SLC25A23: variants seen among roughly 807,000 people sequenced by gnomAD.
The protein encoded by SLC25A23 is solute carrier family 25 member 23, also known as mitochondrial adenyl nucleotide antiporter SLC25A23.
In SLC25A23, 32 loss-of-function variants were observed where a neutral mutation model predicts 53.9. The observed-to-expected ratio is 0.59, with a 90% CI of 0.45 to 0.80. SLC25A23 has a LOEUF of 0.80. SLC25A23 is among the 30% of genes least tolerant of loss of function. The pLI, the probability that SLC25A23 is intolerant of heterozygous loss-of-function variation, is 0.00. For synonymous variants in SLC25A23, 275 were observed against 264.5 expected (o/e 1.04, Z -0.38); for missense variants, 575 against 651.4 (o/e 0.88, Z 1.28).
chr19:6,456,349 G>T, intron 4 of SLC25A23, 71 bp downstream of exon 4: 1 of 1,466,496 alleles, frequency 6.8e-7, no homozygotes, highest in Non-Finnish European at 9.5e-7. Context: ...CAAGCCCTGG[G>T]GAGATCGGAG....
chr19:6,448,308 T>C (rs945737985), intron 8 of SLC25A23, among the ~76,000 whole-genome samples: 1 of 152,162 alleles, frequency 6.6e-6, no homozygotes, highest in African/African-American at 2.4e-5. Context: ...CTGGGTAAAA[T>C]AGGCAAGTAC....
At chr19:6,447,758 C>T (rs1420449988) in intron 8 of SLC25A23, among the ~76,000 whole-genome samples, 4 of 152,202 alleles carry the variant, frequency 2.6e-5, no homozygotes, top group African/African-American at 9.7e-5. Context: ...GCAACCTCCA[C>T]CTCCCGGGTT....
intron 8 of SLC25A23, among the ~76,000 whole-genome samples, chr19:6,450,274 T>C (rs1441260113): frequency 6.6e-6 from 1 of 152,168 alleles, no homozygotes; most frequent in African/African-American, 2.4e-5. Flanking sequence ...TATTTGTTCC[T>C]GCTTCCAGAC....
intron 8 of SLC25A23, among the ~76,000 whole-genome samples, chr19:6,445,904 C>CACAA (rs758671042): frequency 0.012 from 1,705 of 139,730 alleles, 14 homozygotes; most frequent in Non-Finnish European, 0.017. Context: ...CAAACAAACA[C>CACAA]ACAAACAAAC....
At chr19:6,436,551 T>G, downstream of SLC25A23, 1 of 361,590 alleles carries the variant, frequency 2.8e-6, no homozygotes, top group Non-Finnish European at 5.6e-6. Context: ...GACAGTGTCT[T>G]TTTTTTTTTT....
rs60420597 is a variant in SLC25A23, at chr19:6,449,418, A to ATTT, written c.1071+2891_1071+2893dup. On this transcript the variant is annotated intron_variant, in intron 8 of 9. Coordinates refer to ENST00000301454, the MANE Select transcript of SLC25A23 (RefSeq NM_024103.3). ...CAGGTGTGCACCACCACACCTGGCT[A>ATTT]TTTTTTTTTTTTTTGAGACAGAGTC... Among the ~76,000 whole-genome samples, 1,155 of 136,000 alleles carry ATTT rather than the reference A, an allele frequency of 8.5e-3. 9 individuals carry two copies. Among genetic ancestry groups the ATTT allele is most frequent in the Non-Finnish European group, 0.013 (804 of 62,082 alleles). 89.2% of individuals were successfully genotyped at this position (136,000 alleles called of 152,430 possible).
chr19:6,456,283 A>C (rs2092681212), intron 4 of SLC25A23, 137 bp downstream of exon 4: 2 of 955,572 alleles, frequency 2.1e-6, no homozygotes, highest in South Asian at 3.2e-5. Flanking sequence ...ACAGACCCTC[A>C]TCCGTCAGCT....
In SLC25A23 at chr19:6,452,414, C is replaced by A; in HGVS notation, c.969G>T (p.Arg323Ser). The change falls in exon 8 of 10, where the codon AGG becomes AGT. Residue 323 changes from arginine (R) to serine (S), a missense_variant. Physicochemically the swap from Arg to Ser is moderately radical, Grantham distance 110 (BLOSUM62 -1). Transcript: ENST00000301454. ...GQYKGLLDCA[R>S]RILEREGPRA... The stretch of plus-strand genomic sequence containing the variant: ...GGGGCCCCTCCCTCTCCAGGATACG[C>A]CTGGCGCAGTCCAGCAGCCCCTTAT... The A allele has an allele frequency of 6.2e-7, 1 of 1,613,956 alleles. No individual in the cohort carries two copies. The highest frequency in any genetic ancestry group is 8.5e-7 in the Non-Finnish European group (1 of 1,179,980).
intron 4 of SLC25A23, 21 bp downstream of exon 4, chr19:6,456,399 G>T (rs762477126): frequency 6.2e-7 from 1 of 1,610,560 alleles, no homozygotes; most frequent in South Asian, 1.1e-5. Context: ...CTTCAGCTGG[G>T]GAAAGCCACC....
chr19:6,448,380 A>G (rs1568367222), intron 8 of SLC25A23, among the ~76,000 whole-genome samples: 1 of 152,158 alleles, frequency 6.6e-6, no homozygotes, highest in Non-Finnish European at 1.5e-5. Flanking sequence ...GCACTTGCCA[A>G]ATAGATGTTT....
intron 8 of SLC25A23, among the ~76,000 whole-genome samples, chr19:6,449,418 A>ATT (rs60420597): frequency 0.12 from 16,117 of 135,904 alleles, 2,287 homozygotes; most frequent in African/African-American, 0.34. Flanking sequence ...ACACCTGGCT[A>ATT]TTTTTTTTTT....
Position 6,444,221 on chromosome 19 carries a change from G to A in SLC25A23, c.1152C>T (p.Thr384=), listed in dbSNP as rs775806042. ...PGILVLLACG[T]ISSTCGQIAS... ...CTATCTGGCCGCAGGTGCTGGATAT[G>A]GTACCGCAGGCCAGGAGCACGAGGA... Residue 384 remains threonine (T), a synonymous_variant, in exon 9 of 10, where the codon ACC becomes ACT. Transcript: ENST00000301454. The A allele has an allele frequency of 8.7e-6, 14 of 1,603,922 alleles. No homozygotes were observed. In the East Asian group the frequency reaches 2.9e-4, roughly 33 times the overall value.
chr19:6,457,683 G>C, intron 2 of SLC25A23, 93 bp from the exon 3 acceptor site: 1 of 1,114,248 alleles, frequency 9.0e-7, no homozygotes, highest in South Asian at 1.3e-5. Flanking sequence ...GAATGGAGGT[G>C]GTCTAGCAAG....
intron 7 of SLC25A23, among the ~76,000 whole-genome samples, chr19:6,453,171 C>T (rs76965289): frequency 6.5e-4 from 99 of 151,756 alleles, no homozygotes; most frequent in African/African-American, 2.3e-3. Flanking sequence ...GAACCTGCAT[C>T]GCTAACACTC....
chr19:6,457,680 G>A, intron 2 of SLC25A23, 90 bp from the exon 3 acceptor site: 2 of 1,173,466 alleles, frequency 1.7e-6, no homozygotes, highest in Middle Eastern at 2.0e-4. Context: ...TTGGAATGGA[G>A]GTGGTCTAGC....
intron 8 of SLC25A23, among the ~76,000 whole-genome samples, chr19:6,446,763 G>C (rs573356485): frequency 8.5e-5 from 13 of 152,228 alleles, no homozygotes; most frequent in African/African-American, 3.1e-4. Context: ...TCCTTTGGGG[G>C]GGAACATGTT....
intron 4 of SLC25A23, 194 bp downstream of exon 4, chr19:6,456,226 A>G: frequency 9.7e-7 from 1 of 1,026,308 alleles, no homozygotes; most frequent in South Asian, 1.6e-5. Context: ...CAGACAGCAG[A>G]GATGTCCCAA....
intron 8 of SLC25A23, among the ~76,000 whole-genome samples, chr19:6,451,939 C>G (rs1351232617): frequency 6.6e-6 from 1 of 150,880 alleles, no homozygotes. Context: ...CTCACTGCAA[C>G]CTCCGCCTCC....
At position 6,456,506 on chromosome 19, in the gene SLC25A23, T is replaced by C; in HGVS notation, c.397A>G (p.Ile133Val). Residue 133 changes from isoleucine to valine, a missense_variant, in exon 4 of 10, where the codon ATT (isoleucine) becomes GTT (valine). Physicochemically the swap from Ile to Val is conservative, Grantham distance 29. Transcript: ENST00000301454. ...TGGTCGCGCCATTCTTGCCAGTCAATGGTCATTGTGCCGTCTCGGTCCATG... is the reference window on the plus strand; with the variant it reads ...TGGTCGCGCCATTCTTGCCAGTCAACGGTCATTGTGCCGTCTCGGTCCATG... ...HSMDRDGTMT[I>V]DWQEWRDHFL... The C allele has an allele frequency of 6.2e-7, 1 of 1,611,244 alleles. No individual in the cohort carries two copies. The highest frequency in any genetic ancestry group is 1.3e-5 in the African/African-American group (1 of 74,286).
Sources: gnomAD v4.1 joint callset for allele counts (sites outside exome capture counted in the v4.1 genomes callset) on GRCh38, gnomAD v4.1.1 for gene constraint, MANE v1.5 for transcripts, NCBI Gene and HGNC (gene_info 2026-07-23, HGNC 2026-07-21) for gene names.